IL9R: variants seen among roughly 807,000 people sequenced by gnomAD.
The protein encoded by IL9R is interleukin 9 receptor, also known as interleukin-9 receptor.
Under a neutral mutation model 56.3 loss-of-function variants are expected in IL9R, and 54 were observed. The ratio of observed to expected loss-of-function variants is 0.96; its 90% CI spans 0.77 to 1.20. The LOEUF (loss-of-function observed/expected upper bound fraction) is 1.20, where lower values mean the gene tolerates loss of function less well. IL9R is among the 50% of genes most tolerant of loss of function. The pLI, the probability that IL9R is intolerant of heterozygous loss-of-function variation, is 0.00. For synonymous variants in IL9R, 212 were observed against 250.2 expected (o/e 0.85, Z 1.44); for missense variants, 545 against 629.8 (o/e 0.87, Z 1.44).
chrX:156,000,142 A>AG (rs1231923117), intron 1 of IL9R, among the ~76,000 whole-genome samples: 1 of 139,810 alleles, frequency 7.2e-6, no homozygotes, highest in African/African-American at 2.9e-5. Flanking sequence ...TCTAAAAAAA[A>AG]AAAATATATA....
chrX:156,002,921 G>C lies in IL9R; in HGVS notation c.44G>C (p.Ser15Thr). ...TCCCTTGCAGGCTGGACCTTGGAGA[G>C]TGAGGCCCTGAGGCGAGACATGGGC... Reference protein sequence around the residue: ...RCIWEGWTLESEALRRDMGTW... With the variant: ...RCIWEGWTLETEALRRDMGTW... The change falls in exon 2 of 9, where the codon AGT (serine) becomes ACT (threonine). Residue 15 changes from serine (S) to threonine (T), a missense_variant. This residue lies in a region of IL9R where 431 missense variants were observed against 360.0 expected (regional missense o/e 1.20). Coordinates refer to ENST00000244174, the MANE Select transcript of IL9R (RefSeq NM_002186.3). The C allele has an allele frequency of 6.2e-7, 1 of 1,613,916 alleles. No homozygotes were observed. Among genetic ancestry groups the C allele is most frequent in the Non-Finnish European group, 8.5e-7 (1 of 1,179,854 alleles).
chrX:156,005,248 A>G (rs767976194), intron 5 of IL9R, 30 bp from the exon 6 acceptor site: 1 of 1,602,976 alleles, frequency 6.2e-7, no homozygotes, highest in South Asian at 1.1e-5. Flanking sequence ...CCCCACCTTC[A>G]CCACCTGCTA....
In IL9R at chrX:156,002,817, A is replaced by G. The variant is rs750556058; in HGVS notation, c.29-89A>G. 3 of 1,571,560 alleles carry G rather than the reference A, an allele frequency of 1.9e-6. No homozygotes were observed. In the African/African-American group the frequency reaches 4.0e-5, roughly 21 times the overall value. On this transcript the variant is annotated intron_variant, in intron 1 of 8. Transcript: ENST00000244174. ...ACTGTGTGAGTGCAGGTGGGGACCCATGGAGCACTCTGCTGGGGAGCAATT... is the reference window on the plus strand; with the variant it reads ...ACTGTGTGAGTGCAGGTGGGGACCCGTGGAGCACTCTGCTGGGGAGCAATT...
rs778837263 is a variant in IL9R at position 156,005,317 on chromosome X, C to T, written c.619C>T (p.Leu207Phe). The T allele has an allele frequency of 1.2e-6, 2 of 1,612,220 alleles. No homozygotes were observed. The highest frequency in any genetic ancestry group is 1.7e-5 in the Admixed American group (1 of 60,002). Reference sequence around the variant, plus strand: ...GGATCACATTGTCGGGGTGACCTGGCTTATACTTGAAGCCTTTGAGCTGGA... The same window carrying T: ...GGATCACATTGTCGGGGTGACCTGGTTTATACTTGAAGCCTTTGAGCTGGA... Reference protein sequence around the residue: ...HRDHIVGVTWLILEAFELDPG... With the variant: ...HRDHIVGVTWFILEAFELDPG... The change falls in exon 6 of 9, where the codon CTT (leucine) becomes TTT (phenylalanine). Residue 207 changes from leucine to phenylalanine, a missense_variant. Physicochemically the swap from Leu to Phe is conservative, Grantham distance 22. Around this residue, in one of 2 missense-constraint regions of IL9R, gnomAD observed 431 missense variants for 360.0 expected, o/e 1.20. Coordinates refer to ENST00000244174, the MANE Select transcript of IL9R (RefSeq NM_002186.3).
chrX:156,010,239 C>T lies in IL9R; in HGVS notation c.1396C>T (p.Pro466Ser), dbSNP rs754685883. Residue 466 changes from proline to serine, a missense_variant, in exon 9 of 9, where the codon CCC becomes TCC. Physicochemically the swap from Pro to Ser is moderately conservative, Grantham distance 74. Coordinates refer to ENST00000244174, the MANE Select transcript of IL9R (RefSeq NM_002186.3). ...ALPGNTQSSG[P>S]IPALACGLSC... is the part of the protein sequence containing the mutation. ...CCCAGGAAACACACAGAGCTCTGGG[C>T]CCATCCCAGCCCTGGCCTGTGGCCT... 7 of 1,312,652 alleles carry T rather than the reference C, an allele frequency of 5.3e-6. No individual in the cohort carries two copies. Among genetic ancestry groups the T allele is most frequent in the Non-Finnish European group, 7.0e-6 (7 of 1,000,850 alleles). The allele number at this position is 1,312,652 out of a possible 1,614,324, so 81.3% of individuals were successfully genotyped here.
chrX:156,004,310 G>A (rs2067754318), intron 4 of IL9R, 110 bp from the exon 5 acceptor site: 2 of 1,115,318 alleles, frequency 1.8e-6, no homozygotes, highest in African/African-American at 3.1e-5. Flanking sequence ...TGGTCTGAGA[G>A]GGCCTTGACC....
In IL9R at chrX:156,006,160, A is replaced by G; in HGVS notation, c.859A>G (p.Thr287Ala). 1 of 1,455,136 alleles carries G rather than the reference A, an allele frequency of 6.9e-7. No individual in the cohort carries two copies. The highest frequency in any genetic ancestry group is 1.4e-5 in the African/African-American group (1 of 71,372). 90.1% of individuals were successfully genotyped at this position (1,455,136 alleles called of 1,614,324 possible). Residue 287 changes from threonine to alanine, a missense_variant, in exon 7 of 9, where the codon ACC becomes GCC. Thr to Ala is a moderately conservative substitution (Grantham distance 58). Around this residue, in one of 2 missense-constraint regions of IL9R, gnomAD observed 431 missense variants for 360.0 expected, o/e 1.20. Coordinates refer to ENST00000244174, the MANE Select transcript of IL9R (RefSeq NM_002186.3). ...CATCTTTCTCCTGCTGACTGGCCCG[A>G]CCTACCTCCTGTTCAAGCTGTCGCC... ...VSIFLLLTGP[T>A]YLLFKLSPRV...
intron 1 of IL9R, 132 bp from the exon 2 acceptor site, chrX:156,002,770 TGTGA>T: frequency 8.0e-7 from 1 of 1,251,982 alleles, no homozygotes; most frequent in Non-Finnish European, 1.2e-6. Context: ...CTGGACACTG[TGTGA>T]GTGTTAGGAC....
rs970804645 is a variant in IL9R at position 155,998,578 on chromosome X, AT to A, written c.28+800del. 1.5e-3 allele frequency among the ~76,000 whole-genome samples: 229 copies of A among 151,116 alleles called. 1 individual carries two copies. Among genetic ancestry groups the A allele is most frequent in the Admixed American group, 2.5e-3 (38 of 15,166 alleles). On this transcript the variant is annotated intron_variant, in intron 1 of 8. Coordinates refer to ENST00000244174, the MANE Select transcript of IL9R (RefSeq NM_002186.3). ...AGGGCAGGCGTTTTAATTATTATTA[AT>A]TTTTTTTTGAGACAGAGTTTGAGAC...
In IL9R at chrX:155,997,714, G is replaced by T; in HGVS notation, c.-46G>T. 1 of 1,600,062 alleles carries T rather than the reference G, an allele frequency of 6.2e-7. No individual in the cohort carries two copies. The highest frequency in any genetic ancestry group is 8.6e-7 in the Non-Finnish European group (1 of 1,167,144). On this transcript the variant is annotated 5_prime_UTR_variant, in exon 1 of 9. Transcript: ENST00000244174. The stretch of plus-strand genomic sequence containing the variant: ...GGTCTTTGCTGTGCACCCAGAGATA[G>T]TTGGGTGACAAATCACCTCCAGGTT...
chrX:156,003,405 G>A, intron 2 of IL9R, 44 bp from the exon 3 acceptor site: 1 of 1,388,250 alleles, frequency 7.2e-7, no homozygotes, highest in Admixed American at 1.7e-5. Flanking sequence ...CTCAGCTCTG[G>A]CCTGAAGTAC....
chrX:156,003,863 G>A lies in IL9R; in HGVS notation c.433+8G>A. On this transcript the variant is annotated splice_region_variant and intron_variant, in intron 4 of 8. Transcript: ENST00000244174. ...ACCTGCCCCGGAGACACGGTGAGCA[G>A]CAGCTATAGGTCTGGGGCGGGGCCG... 6.2e-7 allele frequency: 1 copy of A among 1,613,810 alleles called. No homozygotes were observed. The highest frequency in any genetic ancestry group is 2.2e-5 in the East Asian group (1 of 44,866).
Position 156,005,462 on chromosome X carries a change from A to G in IL9R, c.764A>G (p.Gln255Arg), listed in dbSNP as rs781736525. 16 of 1,612,804 alleles carry G rather than the reference A, an allele frequency of 9.9e-6. No individual in the cohort carries two copies. The highest frequency in any genetic ancestry group is 1.0e-5 in the Non-Finnish European group (12 of 1,179,716). The change falls in exon 6 of 9, where the codon CAG becomes CGG. Residue 255 changes from glutamine to arginine, a missense_variant. Gln to Arg is a conservative substitution (Grantham distance 43). Around this residue, in one of 2 missense-constraint regions of IL9R, gnomAD observed 431 missense variants for 360.0 expected, o/e 1.20. Transcript: ENST00000244174. ...WSEWSQPVCF[Q>R]APQRQGPLIP... Reference sequence around the variant, plus strand: ...GAGTGGAGCCAGCCTGTGTGCTTCCAGGCTCCCCAGAGACAAGGTGGGCAC... The same window carrying G: ...GAGTGGAGCCAGCCTGTGTGCTTCCGGGCTCCCCAGAGACAAGGTGGGCAC...
chrX:156,009,292 GTGTT>G (rs1251806545), intron 8 of IL9R, among the ~76,000 whole-genome samples: 20 of 136,924 alleles, frequency 1.5e-4, no homozygotes, highest in South Asian at 2.3e-4. Context: ...GTGTGTGTGT[GTGTT>G]TATGTGTGTG....
rs753509304 is a variant in IL9R at position 156,010,122 on chromosome X, G to A, written c.1279G>A (p.Glu427Lys). 1.9e-6 allele frequency: 3 copies of A among 1,583,870 alleles called. 1 individual carries two copies. Among genetic ancestry groups the A allele is most frequent in the African/African-American group, 3.6e-5 (2 of 56,004 alleles). ...SLTRPAPPDS[E>K]GSRSSSSSSS... Reference sequence around the variant, plus strand: ...GACTAGGCCGGCTCCCCCAGACTCAGAGGGCAGCAGGAGCAGCAGCAGCAG... The same window carrying A: ...GACTAGGCCGGCTCCCCCAGACTCAAAGGGCAGCAGGAGCAGCAGCAGCAG... Residue 427 changes from glutamate to lysine, a missense_variant, in exon 9 of 9, where the codon GAG becomes AAG. This residue lies in a region of IL9R where 114 missense variants were observed against 269.8 expected (regional missense o/e 0.42). Transcript: ENST00000244174.
intron 1 of IL9R, among the ~76,000 whole-genome samples, chrX:155,998,706 C>A (rs1423145616): frequency 1.3e-5 from 2 of 152,048 alleles, no homozygotes; most frequent in African/African-American, 4.8e-5. Context: ...GCAAGGGCAG[C>A]CTCTGCAGGT....
At chrX:155,999,186 G>A (rs2067339871) in intron 1 of IL9R, among the ~76,000 whole-genome samples, 1 of 152,078 alleles carries the variant, frequency 6.6e-6, no homozygotes, top group Non-Finnish European at 1.5e-5. Context: ...AAGCAGAGCA[G>A]CAGGGGTCTC....
intron 8 of IL9R, among the ~76,000 whole-genome samples, chrX:156,008,290 G>A (rs1431371716): frequency 2.0e-5 from 3 of 151,362 alleles, no homozygotes; most frequent in African/African-American, 4.9e-5. Context: ...GAGGCAGTGA[G>A]GGCCCCTCCC....
chrX:156,000,497 A>G (rs1253104691), intron 1 of IL9R, among the ~76,000 whole-genome samples: 1 of 152,180 alleles, frequency 6.6e-6, no homozygotes, highest in South Asian at 2.1e-4. Context: ...CACAGATCCA[A>G]GGCGGGATAG....
Sources: gnomAD v4.1 joint callset for allele counts (sites outside exome capture counted in the v4.1 genomes callset) on GRCh38, gnomAD v4.1.1 for gene constraint, gnomAD v4.1.1 regional missense constraint, MANE v1.5 for transcripts, NCBI Gene and HGNC (gene_info 2026-07-23, HGNC 2026-07-21) for gene names.